The following SOX6 variants were observed in gnomAD, a reference collection of about 807,000 sequenced individuals.
The protein encoded by SOX6 is SRY-box transcription factor 6, also known as transcription factor SOX-6.
SOX6 carries 11 observed loss-of-function variants against 97.8 expected under a neutral mutation model. The ratio of observed to expected loss-of-function variants is 0.11; its 90% CI spans 0.07 to 0.19. The LOEUF is 0.19. SOX6 is among the 10% of genes least tolerant of loss of function. The probability of loss-of-function intolerance (pLI) is 1.00; values close to 1 mark genes in which losing one functional copy is unlikely to be tolerated. For synonymous variants in SOX6, 360 were observed against 371.4 expected, an observed-to-expected ratio of 0.97 and a Z score of 0.35; for missense variants, 810 against 1,039.5, an observed-to-expected ratio of 0.78 and a Z score of 3.04.
At chr11:16,173,520 G>A (rs957732646) in intron 6 of SOX6, among the ~76,000 whole-genome samples, 1 of 150,754 alleles carries the variant, frequency 6.6e-6, no homozygotes, top group Admixed American at 6.6e-5. Context: ...TAGGGCAAAT[G>A]TCTTTGAGTA....
intron 1 of SOX6, among the ~76,000 whole-genome samples, chr11:16,371,481 A>G (rs1857493425): frequency 6.6e-6 from 1 of 151,856 alleles, no homozygotes; most frequent in African/African-American, 2.4e-5. Context: ...TTTTAAAAAA[A>G]AATAAATTGC....
chr11:16,326,516 A>T (rs557114613), intron 2 of SOX6, among the ~76,000 whole-genome samples: 124 of 151,218 alleles, frequency 8.2e-4, no homozygotes, highest in East Asian at 6.0e-3. Context: ...GTTTTTTTTA[A>T]AAAAAAAAGT....
In SOX6 at chr11:16,259,553, C is replaced by T. The variant is rs190191926; in HGVS notation, c.446-24882G>A. On this transcript the variant is annotated intron_variant, in intron 3 of 15. Coordinates refer to ENST00000683767, the MANE Select transcript of SOX6 (RefSeq NM_001367873.1). ...TTGTGAAGCTACAGTTAGTAAATAG[C>T]TTGCATTGATACAATGGTAACCAAT... 2.4e-4 allele frequency among the ~76,000 whole-genome samples: 37 copies of T among 152,200 alleles called. No individual in the cohort carries two copies. In the South Asian group the frequency reaches 4.3e-3, roughly 18 times the overall value.
intron 3 of SOX6, among the ~76,000 whole-genome samples, chr11:16,674,210 T>A (rs1227715594): frequency 1.6e-3 from 83 of 52,152 alleles, no homozygotes; most frequent in East Asian, 3.8e-3. Flanking sequence ...AAAAAAAAAA[T>A]CATTCATCAT....
intron 9 of SOX6, among the ~76,000 whole-genome samples, chr11:16,072,868 A>G (rs771686019): frequency 2.0e-5 from 3 of 152,188 alleles, no homozygotes; most frequent in Non-Finnish European, 4.4e-5. Flanking sequence ...TAAAGGAGAA[A>G]TCAGACCCTT....
At chr11:16,328,857 G>A (rs1258765668) in intron 2 of SOX6, among the ~76,000 whole-genome samples, 1 of 151,992 alleles carries the variant, frequency 6.6e-6, no homozygotes, top group Non-Finnish European at 1.5e-5. Context: ...AAAAAAGTAT[G>A]TTTTTTTCTA....
intron 3 of SOX6, among the ~76,000 whole-genome samples, chr11:16,696,385 T>A (rs1848053973): frequency 6.6e-6 from 1 of 152,222 alleles, no homozygotes; most frequent in African/African-American, 2.4e-5. Context: ...TTTCAAATTA[T>A]CTTCTAGCTA....
At chr11:15,973,204 A>G (rs937701311) in intron 15 of SOX6, 92 bp from the exon 16 acceptor site, 58 of 1,241,270 alleles carry the variant, frequency 4.7e-5, no homozygotes, top group Non-Finnish European at 6.1e-5. Context: ...ACACTTTCAA[A>G]AGGGAGCCCT....
chr11:16,730,409 T>A (rs932013292), intron 2 of SOX6, among the ~76,000 whole-genome samples: 3 of 152,144 alleles, frequency 2.0e-5, no homozygotes, highest in African/African-American at 7.2e-5. Context: ...TCAGACCCAG[T>A]GCAGTCAAAT....
At chr11:16,272,298 CA>C (rs1274764119) in intron 3 of SOX6, among the ~76,000 whole-genome samples, 2 of 151,042 alleles carry the variant, frequency 1.3e-5, no homozygotes, top group African/African-American at 2.4e-5. Context: ...ACACAGAAAC[CA>C]AAAAAAGGGG....
chr11:16,044,726 G>C (rs1027917604), intron 12 of SOX6, among the ~76,000 whole-genome samples: 2 of 152,122 alleles, frequency 1.3e-5, no homozygotes, highest in Non-Finnish European at 2.9e-5. Flanking sequence ...TTATGCAGGA[G>C]AGAGACCATG....
rs928972572 is a variant in SOX6 at position 16,610,048 on chromosome 11, G to A, written n.609+2033C>T. Among the ~76,000 whole-genome samples the A allele has an allele frequency of 5.3e-5, 8 of 152,122 alleles. No homozygotes were observed. The highest frequency in any genetic ancestry group is 7.4e-5 in the Non-Finnish European group (5 of 68,016). Reference sequence around the variant, plus strand: ...GGCCCCTTGACCTCTAAGGCCCAAGGGGCAAGCTCAGACTGGTGTTTCTAG... The same window carrying A: ...GGCCCCTTGACCTCTAAGGCCCAAGAGGCAAGCTCAGACTGGTGTTTCTAG... On this transcript the variant is annotated intron_variant and non_coding_transcript_variant, in intron 4 of 5. Coordinates refer to the SOX6 transcript ENST00000524520. This position sits in a 1 kb window ranked among gnomAD's most constrained non-coding sequence, Gnocchi z 4.4.
intron 4 of SOX6, among the ~76,000 whole-genome samples, chr11:16,611,598 AT>A (rs1210248649): frequency 1.3e-5 from 2 of 152,258 alleles, no homozygotes; most frequent in African/African-American, 4.8e-5. Context: ...ATCGCACTTC[AT>A]TTAAGTTTGA....
chr11:15,986,157 C>T lies in SOX6; in HGVS notation c.2183+47G>A, dbSNP rs763475868. Reference sequence around the variant, plus strand: ...ACTGCCAGTAGCCATCCTATAGTTACTTACCGCAAAAGTAAAGCCCAGGTG... The same window carrying T: ...ACTGCCAGTAGCCATCCTATAGTTATTTACCGCAAAAGTAAAGCCCAGGTG... On this transcript the variant is annotated intron_variant, in intron 15 of 15. Coordinates refer to ENST00000683767, the MANE Select transcript of SOX6 (RefSeq NM_001367873.1). 5.2e-6 allele frequency: 8 copies of T among 1,553,292 alleles called. No individual in the cohort carries two copies. In the Admixed American group the frequency reaches 8.3e-5, roughly 16 times the overall value.
chr11:16,011,786 C>G (rs1300649154), intron 13 of SOX6, among the ~76,000 whole-genome samples: 1 of 151,984 alleles, frequency 6.6e-6, no homozygotes, highest in Non-Finnish European at 1.5e-5. Flanking sequence ...ATTGCTGTTC[C>G]AAAGCCAGAG....
intron 3 of SOX6, among the ~76,000 whole-genome samples, chr11:16,712,600 T>C (rs1313619824): frequency 6.6e-6 from 1 of 152,144 alleles, no homozygotes; most frequent in African/African-American, 2.4e-5. Context: ...ACTAAGCTCT[T>C]TTCAGCCTCA....
In SOX6 at chr11:16,056,164, T is replaced by G. The variant is rs141203168; in HGVS notation, c.1102-263A>C. 8.1e-3 allele frequency among the ~76,000 whole-genome samples: 1,153 copies of G among 142,596 alleles called. 12 individuals are homozygous for G. The highest frequency in any genetic ancestry group is 0.028 in the African/African-American group (1,110 of 39,944). 93.5% of individuals were successfully genotyped at this position (142,596 alleles called of 152,430 possible). A position where few individuals can be genotyped will look rare whatever the true frequency, so the allele number is the denominator to read the frequency against. ...GGATTTGATCTCTTTAGAATTCAGG[T>G]TTTTTTTTTTAATTGTACAAAAAGG... On this transcript the variant is annotated intron_variant, in intron 9 of 15. Transcript: ENST00000683767.
intron 4 of SOX6, among the ~76,000 whole-genome samples, chr11:16,559,423 C>T (rs185382151): frequency 2.1e-4 from 32 of 152,170 alleles, no homozygotes; most frequent in African/African-American, 7.2e-4. Context: ...TTGCTGCCCC[C>T]TGATCAAACA....
chr11:16,472,319 C>A (rs934631221), intron 1 of SOX6, among the ~76,000 whole-genome samples: 1 of 152,126 alleles, frequency 6.6e-6, no homozygotes, highest in African/African-American at 2.4e-5. Flanking sequence ...AAAAAAGAGA[C>A]AAAGCAACTA....
Sources: allele counts gnomAD v4.1 joint callset (sites outside exome capture counted in the v4.1 genomes callset), GRCh38; gene constraint gnomAD v4.1.1; non-coding constraint Gnocchi (gnomAD v3.1); transcripts MANE v1.5; gene names NCBI Gene and HGNC (gene_info 2026-07-23, HGNC 2026-07-21).